Variants in FAM131B observed in about 807,000 individuals in gnomAD.
The protein encoded by FAM131B is family with sequence similarity 131 member B, also known as protein FAM131B.
FAM131B carries 19 observed loss-of-function variants against 42.0 expected under a neutral mutation model. The observed-to-expected ratio is 0.45, with a 90% CI of 0.32 to 0.66. The LOEUF (loss-of-function observed/expected upper bound fraction) is 0.66, where lower values mean the gene tolerates loss of function less well. Among genes scored for constraint, FAM131B ranks in the 30% least tolerant of loss-of-function variants. The pLI, the probability that FAM131B is intolerant of heterozygous loss-of-function variation, is 0.05. For missense variants in FAM131B, 370 were observed against 468.4 expected (o/e 0.79, Z 1.94); for synonymous variants, 183 against 177.6 (o/e 1.03, Z -0.24).
chr7:143,381,917 AC>A, the FAM131B span: 6 of 895,768 alleles, frequency 6.7e-6, no homozygotes, highest in African/African-American at 1.0e-4. Flanking sequence ...AGATGTTCTT[AC>A]CTCATCGTGG....
At chr7:143,382,234 C>A in the FAM131B span, 1 of 1,610,596 alleles carries the variant, frequency 6.2e-7, no homozygotes, top group Non-Finnish European at 8.5e-7. Context: ...ACGTCTTTCT[C>A]CTTCCTACCC....
At chr7:143,366,455 T>G (rs1012533811), upstream of FAM131B, among the ~76,000 whole-genome samples, 1 of 152,174 alleles carries the variant, frequency 6.6e-6, no homozygotes. Context: ...AATACCCTAT[T>G]TGCTAAAGGC....
the FAM131B span, among the ~76,000 whole-genome samples, chr7:143,369,017 T>G: frequency 2.0e-5 from 3 of 152,166 alleles, no homozygotes; most frequent in Non-Finnish European, 2.9e-5. Context: ...TTCCCGACAG[T>G]GAAAGAGTGG....
upstream of FAM131B, chr7:143,364,246 A>C (rs1253514999): frequency 6.6e-6 from 1 of 151,822 alleles, no homozygotes; most frequent in Non-Finnish European, 1.5e-5. Context: ...CTTTCATGGA[A>C]TATACTGTCC....
At chr7:143,368,172 G>A in the FAM131B span, among the ~76,000 whole-genome samples, 2 of 152,236 alleles carry the variant, frequency 1.3e-5, no homozygotes, top group African/African-American at 2.4e-5. Context: ...GCAGCGACCA[G>A]GCAGGATGCC....
the FAM131B span, chr7:143,380,021 A>C: frequency 4.1e-6 from 4 of 969,130 alleles, no homozygotes; most frequent in Non-Finnish European, 4.9e-6. The surrounding 1 kb of genome is among the most constrained non-coding windows in gnomAD (Gnocchi z 5.0). Context: ...AACATGGCCC[A>C]GGTGCTCCTT....
the FAM131B span, among the ~76,000 whole-genome samples, chr7:143,373,907 T>C: frequency 6.6e-6 from 1 of 152,142 alleles, no homozygotes; most frequent in Non-Finnish European, 1.5e-5. Flanking sequence ...ATCCTTTCTT[T>C]ACTGCTGGCA....
At chr7:143,361,910 C>T (rs1184788628) in intron 1 of FAM131B, 2 of 273,996 alleles carry the variant, frequency 7.3e-6, no homozygotes, top group Non-Finnish European at 1.1e-5. Flanking sequence ...AAGCCCCCAT[C>T]TCCTCCCCGC....
chr7:143,357,871 T>TA (rs936750311), intron 5 of FAM131B, among the ~76,000 whole-genome samples: 3 of 152,112 alleles, frequency 2.0e-5, no homozygotes, highest in Non-Finnish European at 4.4e-5. Context: ...GGGGACTTCC[T>TA]AAAAAATCAG....
chr7:143,360,255 T>G (rs1803896026), intron 1 of FAM131B, 106 bp from the exon 2 acceptor site: 16 of 1,519,948 alleles, frequency 1.1e-5, no homozygotes, highest in Non-Finnish European at 1.4e-5. Flanking sequence ...GCTGCCCATT[T>G]CCTCTTATAT....
At chr7:143,367,298 T>A (rs1456448459), upstream of FAM131B, among the ~76,000 whole-genome samples, 2 of 152,210 alleles carry the variant, frequency 1.3e-5, no homozygotes, top group African/African-American at 4.8e-5. Flanking sequence ...TCTGATCTGT[T>A]GGACACTATG....
At position 143,357,137 on chromosome 7, in the gene FAM131B, C is replaced by G. The variant is rs1231782053; in HGVS notation, c.611-115G>C. ...AGCACAGAGAACTGGCAGTAAGACA[C>G]AGAGTGCACAGTGAGTAGGGAGGAC... On this transcript the variant is annotated intron_variant, in intron 6 of 6. Coordinates refer to ENST00000443739, the MANE Select transcript of FAM131B (RefSeq NM_001031690.3). 6 of 1,120,666 alleles carry G rather than the reference C, an allele frequency of 5.4e-6. No homozygotes were observed. In the East Asian group the frequency reaches 1.4e-4, roughly 26 times the overall value. 69.4% of individuals were successfully genotyped at this position (1,120,666 alleles called of 1,614,324 possible).
At position 143,356,387 on chromosome 7, in the gene FAM131B, TA is replaced by T. The variant is rs1454500660; in HGVS notation, c.*162del. The T allele has an allele frequency of 1.6e-6, 1 of 611,258 alleles. No homozygotes were observed. The highest frequency in any genetic ancestry group is 1.9e-5 in the African/African-American group (1 of 53,610). The allele number at this position is 611,258 out of a possible 1,614,324, so 37.9% of individuals were successfully genotyped here. A position where few individuals can be genotyped will look rare whatever the true frequency, so the allele number is the denominator to read the frequency against. ...TGGGTTTCTAGAGTGTAAGCCTGGA[TA>T]AAATCCCATCCTGGTCCTCCATTTC... On this transcript the variant is annotated 3_prime_UTR_variant, in exon 7 of 7. Transcript: ENST00000443739. This position sits in a 1 kb window ranked among gnomAD's most constrained non-coding sequence, Gnocchi z 4.4.
At chr7:143,372,845 C>G in the FAM131B span, among the ~76,000 whole-genome samples, 110,623 of 151,784 alleles carry the variant, frequency 0.73, 40,795 homozygotes, top group Non-Finnish European at 0.79. Flanking sequence ...TGTAATCCCA[C>G]CTACTTGGGA....
chr7:143,359,874 T>G lies in FAM131B; in HGVS notation c.139-107A>C. The G allele has an allele frequency of 8.6e-7, 1 of 1,156,396 alleles. No individual in the cohort carries two copies. Among genetic ancestry groups the G allele is most frequent in the Non-Finnish European group, 1.3e-6 (1 of 790,548 alleles). 71.6% of individuals were successfully genotyped at this position (1,156,396 alleles called of 1,614,324 possible). On this transcript the variant is annotated intron_variant, in intron 2 of 6. Transcript: ENST00000443739. This position sits in a 1 kb window ranked among gnomAD's most constrained non-coding sequence, Gnocchi z 5.4. ...AGGAGTGCGGGATGTGGGGAGGGCTTTCCTGAGGTTGATGCCGCTAACTGG... is the reference window on the plus strand; with the variant it reads ...AGGAGTGCGGGATGTGGGGAGGGCTGTCCTGAGGTTGATGCCGCTAACTGG...
At chr7:143,362,000 C>G (rs1804022732) in intron 1 of FAM131B, 1 of 972,216 alleles carries the variant, frequency 1.0e-6, no homozygotes, top group African/African-American at 1.8e-5. Context: ...GCCCCCGCCC[C>G]AGAGGGAAAA....
At chr7:143,368,123 G>C in the FAM131B span, among the ~76,000 whole-genome samples, 17 of 152,358 alleles carry the variant, frequency 1.1e-4, 1 homozygote, top group Admixed American at 5.2e-4. Flanking sequence ...AGCACACACA[G>C]CACCTCAGGG....
chr7:143,380,116 AGAG>A, the FAM131B span: 1 of 985,250 alleles, frequency 1.0e-6, no homozygotes, highest in Non-Finnish European at 1.2e-6. This position sits in a 1 kb window ranked among gnomAD's most constrained non-coding sequence, Gnocchi z 5.0. Flanking sequence ...AAAGCTGACA[AGAG>A]GAGAGAAAAT....
At position 143,359,103 on chromosome 7, in the gene FAM131B, C is replaced by A. The variant is rs962706254; in HGVS notation, c.269-79G>T. 7.0e-7 allele frequency: 1 copy of A among 1,435,120 alleles called. No homozygotes were observed. Among genetic ancestry groups the A allele is most frequent in the East Asian group, 2.4e-5 (1 of 41,014 alleles). 88.9% of individuals were successfully genotyped at this position (1,435,120 alleles called of 1,614,324 possible). ...CCAGACCCTCCCAGTTCCTCCCACCCCAGCCCCATGAGGCTCCATCCCACT... is the reference window on the plus strand; with the variant it reads ...CCAGACCCTCCCAGTTCCTCCCACCACAGCCCCATGAGGCTCCATCCCACT... On this transcript the variant is annotated intron_variant, in intron 4 of 6. Coordinates refer to ENST00000443739, the MANE Select transcript of FAM131B (RefSeq NM_001031690.3). The surrounding 1 kb of genome is among the most constrained non-coding windows in gnomAD (Gnocchi z 5.4).
Sources: allele counts gnomAD v4.1 joint callset (sites outside exome capture counted in the v4.1 genomes callset), GRCh38; gene constraint gnomAD v4.1.1; non-coding constraint Gnocchi (gnomAD v3.1); transcripts MANE v1.5; gene names NCBI Gene and HGNC (gene_info 2026-07-23, HGNC 2026-07-21).